The following DACH2 variants were observed in gnomAD, a reference collection of about 807,000 sequenced individuals.
DACH2 encodes dachshund homolog 2.
A neutral mutation model predicts 35.8 loss-of-function variants in DACH2; 17 were observed. That is an observed-to-expected ratio of 0.48 (90% CI 0.33 to 0.71). The LOEUF is 0.71. DACH2 is among the 30% of genes least tolerant of loss of function. DACH2 has a pLI of 0.02. For synonymous variants in DACH2, 195 were observed against 177.3 expected, an observed-to-expected ratio of 1.10 and a Z score of -0.79; for missense variants, 469 against 472.7, an observed-to-expected ratio of 0.99 and a Z score of 0.07.
chrX:86,542,287 G>A (rs752815359), intron 3 of DACH2, among the ~76,000 whole-genome samples: 92 of 111,441 alleles, frequency 8.3e-4, no homozygotes, highest in African/African-American at 2.8e-3. Flanking sequence ...TCGGGAGGTG[G>A]GGATTACTGG....
intron 7 of DACH2, among the ~76,000 whole-genome samples, chrX:86,792,428 A>C (rs1485474659): frequency 9.0e-6 from 1 of 110,568 alleles, no homozygotes; most frequent in African/African-American, 3.3e-5. Context: ...TATTATTGTT[A>C]ACTATAGTCA....
intron 3 of DACH2, among the ~76,000 whole-genome samples, chrX:86,534,263 T>C (rs1031728643): frequency 2.7e-5 from 3 of 110,895 alleles, no homozygotes; most frequent in African/African-American, 9.8e-5. Flanking sequence ...TTTTGTGGAG[T>C]TATAGGAAGG....
intron 1 of DACH2, among the ~76,000 whole-genome samples, chrX:86,316,235 C>G (rs752585292): frequency 2.7e-5 from 3 of 110,441 alleles, no homozygotes; most frequent in East Asian, 2.9e-4. Context: ...GATTCCCTAT[C>G]TTAGTGTGCC....
intron 1 of DACH2, among the ~76,000 whole-genome samples, chrX:86,315,788 GACACACACACACACACACACACACAC>G (rs774427717): frequency 1.3e-5 from 1 of 78,502 alleles, no homozygotes; most frequent in African/African-American, 5.1e-5. Context: ...GAGGGTCGTG[GACACACACACACACACACACACACAC>G]ACACACACAC....
chrX:86,820,797 ATCCTTCCTT>A (rs2042504163), intron 11 of DACH2, among the ~76,000 whole-genome samples: 1 of 110,545 alleles, frequency 9.0e-6, no homozygotes, highest in Non-Finnish European at 1.9e-5. Flanking sequence ...AACAGTGTCT[ATCCTTCCTT>A]GACCCCTTAG....
At chrX:86,765,270 T>G (rs1176051866) in intron 7 of DACH2, among the ~76,000 whole-genome samples, 1 of 111,870 alleles carries the variant, frequency 8.9e-6, no homozygotes, top group Non-Finnish European at 1.9e-5. Context: ...TTGCAATTGC[T>G]TTGGGGGAAC....
intron 2 of DACH2, among the ~76,000 whole-genome samples, chrX:86,479,411 C>G (rs1267967879): frequency 9.0e-6 from 1 of 110,982 alleles, no homozygotes; most frequent in Non-Finnish European, 1.9e-5. Flanking sequence ...CTTCCCTGCC[C>G]CCTGTTCCAT....
chrX:86,256,015 C>A (rs60405582), intron 1 of DACH2, among the ~76,000 whole-genome samples: 48,078 of 109,665 alleles, frequency 0.44, 7,600 homozygotes, highest in East Asian at 0.74. Flanking sequence ...AAATGAGCAC[C>A]ACATTTTTCT....
At chrX:86,686,358 G>A (rs961634344) in intron 4 of DACH2, among the ~76,000 whole-genome samples, 4 of 109,729 alleles carry the variant, frequency 3.6e-5, no homozygotes, top group East Asian at 5.8e-4. Flanking sequence ...TCAGCCTCCC[G>A]AGTAGCTGGG....
At chrX:86,298,475 T>A (rs2148010184) in intron 1 of DACH2, among the ~76,000 whole-genome samples, 1 of 112,209 alleles carries the variant, frequency 8.9e-6, no homozygotes. Flanking sequence ...GCCTCTTAGA[T>A]AAATGACCAA....
intron 3 of DACH2, among the ~76,000 whole-genome samples, chrX:86,589,379 A>T (rs937533288): frequency 1.4e-3 from 153 of 111,046 alleles, no homozygotes; most frequent in Non-Finnish European, 2.2e-3. Flanking sequence ...TCTATTTTTT[A>T]AAAAAATCAT....
intron 3 of DACH2, among the ~76,000 whole-genome samples, chrX:86,596,140 C>T (rs974542972): frequency 1.8e-5 from 2 of 111,955 alleles, no homozygotes; most frequent in Non-Finnish European, 1.9e-5. Flanking sequence ...AGATATATTA[C>T]AATTTTTTAA....
chrX:86,721,965 G>A (rs1342027417), intron 6 of DACH2, among the ~76,000 whole-genome samples: 2 of 111,420 alleles, frequency 1.8e-5, no homozygotes, highest in African/African-American at 6.5e-5. Context: ...CCCATGATTT[G>A]ATTACCTCCA....
At chrX:86,372,702 C>T (rs1433478136) in intron 1 of DACH2, among the ~76,000 whole-genome samples, 1 of 110,512 alleles carries the variant, frequency 9.0e-6, no homozygotes, top group Non-Finnish European at 1.9e-5. Context: ...TTGGGGGGTA[C>T]GTGTGCAAGT....
intron 4 of DACH2, among the ~76,000 whole-genome samples, chrX:86,693,539 C>T (rs1279433797): frequency 2.7e-5 from 3 of 111,780 alleles, no homozygotes; most frequent in Admixed American, 9.6e-5. Flanking sequence ...AGTGGATGAG[C>T]GGACAGGAAG....
At chrX:86,180,892 GT>G in intron 1 of DACH2, among the ~76,000 whole-genome samples, 1 of 111,349 alleles carries the variant, frequency 9.0e-6, no homozygotes. Context: ...GTGGAGGATA[GT>G]TTTTTATAGA....
chrX:86,754,564 T>G (rs2041808306), intron 7 of DACH2, among the ~76,000 whole-genome samples: 1 of 111,038 alleles, frequency 9.0e-6, no homozygotes, highest in African/African-American at 3.3e-5. Context: ...CAACCTCTCT[T>G]CATACCCCGC....
At chrX:86,548,104 G>GT (rs1306556624) in intron 3 of DACH2, among the ~76,000 whole-genome samples, 1 of 112,064 alleles carries the variant, frequency 8.9e-6, no homozygotes, top group African/African-American at 3.2e-5. Flanking sequence ...GTGTGAAATT[G>GT]TTTTTTATTT....
At chrX:86,497,470 G>A (rs1351018720) in intron 2 of DACH2, among the ~76,000 whole-genome samples, 2 of 111,337 alleles carry the variant, frequency 1.8e-5, no homozygotes, top group Non-Finnish European at 3.8e-5. Context: ...GGAAGAGACA[G>A]GAAGACAGGT....
Sources: allele counts gnomAD v4.1 joint callset (sites outside exome capture counted in the v4.1 genomes callset), GRCh38; gene constraint gnomAD v4.1.1; transcripts MANE v1.5; gene names NCBI Gene and HGNC (gene_info 2026-07-23, HGNC 2026-07-21).